ERC2: variants seen among roughly 807,000 people sequenced by gnomAD.
ERC2 encodes ELKS/RAB6-interacting/CAST family member 2.
In ERC2, 42 loss-of-function variants were observed where a neutral mutation model predicts 114.8. The observed-to-expected ratio is 0.37, with a 90% CI of 0.29 to 0.47. The LOEUF is 0.47. Among genes scored for constraint, ERC2 ranks in the 20% least tolerant of loss-of-function variants. ERC2 has a pLI of 0.99. For synonymous variants in ERC2, 454 were observed against 425.5 expected (o/e 1.07, Z -0.82); for missense variants, 939 against 1,150.7 (o/e 0.82, Z 2.66).
At chr3:55,828,476 G>C (rs12629178) in intron 14 of ERC2, among the ~76,000 whole-genome samples, 41 of 115,090 alleles carry the variant, frequency 3.6e-4, no homozygotes, top group South Asian at 2.3e-3. Context: ...GGGCAGCAGG[G>C]GCAGCAGGGG....
In ERC2 at chr3:55,890,747, C is replaced by T. The variant is rs569794886; in HGVS notation, c.2404-2198G>A. On this transcript the variant is annotated intron_variant, in intron 13 of 17. Transcript: ENST00000288221. ...CAGTAACTGCTAGTATCAGATGAGA[C>T]GAAACTGCTCCTCTCAACATCTTGG... 1.2e-4 allele frequency among the ~76,000 whole-genome samples: 19 copies of T among 152,294 alleles called. 1 individual carries two copies. The highest frequency in any genetic ancestry group is 8.3e-4 in the South Asian group (4 of 4,822).
intron 2 of ERC2, among the ~76,000 whole-genome samples, chr3:56,429,004 A>G (rs964845058): frequency 6.6e-6 from 1 of 152,176 alleles, no homozygotes; most frequent in African/African-American, 2.4e-5. Context: ...ATGTGTACCT[A>G]ATTTGGAAGA....
At chr3:56,168,652 CTTGACTTCACA>C (rs2082450887) in intron 4 of ERC2, among the ~76,000 whole-genome samples, 1 of 152,114 alleles carries the variant, frequency 6.6e-6, no homozygotes, top group Non-Finnish European at 1.5e-5. Context: ...AGTAGTAGTT[CTTGACTTCACA>C]GTGTTCCAGT....
At chr3:55,932,139 G>A (rs1220794748) in intron 13 of ERC2, among the ~76,000 whole-genome samples, 1 of 152,104 alleles carries the variant, frequency 6.6e-6, no homozygotes, top group Non-Finnish European at 1.5e-5. Flanking sequence ...AAGCAGATCT[G>A]CTTGAAGACA....
At chr3:56,320,541 G>A (rs532882993) in intron 2 of ERC2, among the ~76,000 whole-genome samples, 123 of 152,242 alleles carry the variant, frequency 8.1e-4, no homozygotes, top group African/African-American at 2.9e-3. Context: ...AGCCATAGTG[G>A]GAGTATTAAA....
rs367908263 is a variant in ERC2, at chr3:56,354,154, A to C, written c.658-57719T>G. ...AGCTAAAAGCTACTTTGAATCCAGT[A>C]ACAGTTTTAAATACAATTTTCCAAC... On this transcript the variant is annotated intron_variant, in intron 2 of 17. Coordinates refer to ENST00000288221, the MANE Select transcript of ERC2 (RefSeq NM_015576.3). Among the ~76,000 whole-genome samples, 234 of 152,360 alleles carry C rather than the reference A, an allele frequency of 1.5e-3. 6 individuals carry two copies. The South Asian group carries it at 0.033, about 22-fold the overall frequency.
chr3:55,850,114 C>T (rs2061509314), intron 14 of ERC2, among the ~76,000 whole-genome samples: 1 of 152,152 alleles, frequency 6.6e-6, no homozygotes, highest in Non-Finnish European at 1.5e-5. Flanking sequence ...TCTCTGCCTC[C>T]ACAATCTCTG....
rs555290053 is a variant in ERC2 at position 56,122,174 on chromosome 3, G to A, written c.1473+17335C>T. Reference sequence around the variant, plus strand: ...GTATGTGGAGTAATGAGTAGCCATTGACAGGGAGGCAGGTCAGTATGCACA... The same window carrying A: ...GTATGTGGAGTAATGAGTAGCCATTAACAGGGAGGCAGGTCAGTATGCACA... On this transcript the variant is annotated intron_variant, in intron 6 of 17. Transcript: ENST00000288221. Among the ~76,000 whole-genome samples the A allele has an allele frequency of 1.4e-4, 21 of 152,380 alleles. No individual in the cohort carries two copies. The South Asian group carries it at 4.3e-3, about 32-fold the overall frequency.
chr3:56,235,535 G>A (rs2050885756), intron 3 of ERC2, among the ~76,000 whole-genome samples: 1 of 152,118 alleles, frequency 6.6e-6, no homozygotes, highest in Non-Finnish European at 1.5e-5. Context: ...TTGGAACTGA[G>A]TAGCAGCTGC....
chr3:56,205,356 A>T (rs960786795), intron 3 of ERC2, among the ~76,000 whole-genome samples: 4 of 152,158 alleles, frequency 2.6e-5, no homozygotes, highest in Non-Finnish European at 5.9e-5. Flanking sequence ...CCCCAAGTCC[A>T]GGGTGCACTC....
intron 16 of ERC2, among the ~76,000 whole-genome samples, chr3:55,690,008 A>G (rs2062556803): frequency 6.6e-6 from 1 of 152,226 alleles, no homozygotes; most frequent in South Asian, 2.1e-4. Flanking sequence ...ATTATTTGAT[A>G]TTACACTAAA....
At chr3:56,249,476 C>T (rs1485075098) in intron 3 of ERC2, among the ~76,000 whole-genome samples, 1 of 152,076 alleles carries the variant, frequency 6.6e-6, no homozygotes, top group African/African-American at 2.4e-5. Flanking sequence ...CAGGCGCCCG[C>T]CACCACGCCC....
At chr3:56,382,427 C>A (rs965649624) in intron 2 of ERC2, among the ~76,000 whole-genome samples, 1 of 152,088 alleles carries the variant, frequency 6.6e-6, no homozygotes, top group African/African-American at 2.4e-5. Flanking sequence ...AAAAGGTGTC[C>A]AGGTTTATGG....
chr3:55,978,032 C>T (rs561562797), intron 12 of ERC2, among the ~76,000 whole-genome samples: 30 of 152,322 alleles, frequency 2.0e-4, no homozygotes, highest in African/African-American at 7.2e-4. Context: ...CACGATGCTG[C>T]TTCTGGGTGT....
chr3:55,816,733 C>T (rs1431128155), intron 14 of ERC2, among the ~76,000 whole-genome samples: 2 of 151,816 alleles, frequency 1.3e-5, no homozygotes, highest in Admixed American at 6.6e-5. Context: ...TTGGGTTATT[C>T]TACAGAACTA....
intron 2 of ERC2, among the ~76,000 whole-genome samples, chr3:56,297,801 A>G (rs1368036318): frequency 6.6e-6 from 1 of 152,230 alleles, no homozygotes; most frequent in Non-Finnish European, 1.5e-5. Context: ...GGAGCAGTCA[A>G]CATTTTGAAA....
At chr3:55,925,177 C>T (rs567210559) in intron 13 of ERC2, among the ~76,000 whole-genome samples, 5 of 152,222 alleles carry the variant, frequency 3.3e-5, no homozygotes, top group South Asian at 2.1e-4. Flanking sequence ...GGCAGATTCT[C>T]GTGCAAAATG....
At chr3:55,823,114 G>A (rs1202810641) in intron 14 of ERC2, among the ~76,000 whole-genome samples, 1 of 152,130 alleles carries the variant, frequency 6.6e-6, no homozygotes, top group Non-Finnish European at 1.5e-5. Flanking sequence ...AGTTAGTAGA[G>A]CAAAACTGGG....
intron 17 of ERC2, among the ~76,000 whole-genome samples, chr3:55,593,935 G>A (rs534087893): frequency 6.6e-6 from 1 of 152,238 alleles, no homozygotes; most frequent in South Asian, 2.1e-4. Flanking sequence ...CCATCACAGT[G>A]ATACTGTGTC....
Sources: gnomAD v4.1 joint callset for allele counts (sites outside exome capture counted in the v4.1 genomes callset) on GRCh38, gnomAD v4.1.1 for gene constraint, MANE v1.5 for transcripts, NCBI Gene and HGNC (gene_info 2026-07-23, HGNC 2026-07-21) for gene names.